Variants in ADGRB1 observed in about 807,000 individuals in gnomAD.
ADGRB1 encodes the protein adhesion G protein-coupled receptor B1.
A neutral mutation model predicts 175.7 loss-of-function variants in ADGRB1; 36 were observed. The observed-to-expected ratio is 0.20, with a 90% CI of 0.16 to 0.27. ADGRB1 has a LOEUF of 0.27. Among genes scored for constraint, ADGRB1 ranks in the 10% least tolerant of loss-of-function variants. The pLI is 1.00. For missense variants in ADGRB1, 1,731 were observed against 2,255.3 expected, an observed-to-expected ratio of 0.77 and a Z score of 4.71; for synonymous variants, 1,054 against 979.4, an observed-to-expected ratio of 1.08 and a Z score of -1.42.
chr8:142,505,512 T>G (rs1328449734), intron 17 of ADGRB1, among the ~76,000 whole-genome samples: 1 of 151,400 alleles, frequency 6.6e-6, no homozygotes, highest in Non-Finnish European at 1.5e-5. Flanking sequence ...CGACGTGAGG[T>G]GGGGATCCAC....
rs1841311290 is a variant in ADGRB1 at position 142,481,111 on chromosome 8, C to G, written c.1829-143C>G. On this transcript the variant is annotated intron_variant, in intron 9 of 30. Coordinates refer to ENST00000517894, the MANE Select transcript of ADGRB1 (RefSeq NM_001702.3). ...AGGGAACGAGGTCCCTGCGTGGACT[C>G]TGCTCTCGGCGTGAGGCCATGGGCG... The G allele has an allele frequency of 6.5e-5, 46 of 706,530 alleles. 1 individual carries two copies. The South Asian group carries it at 7.4e-4, about 11-fold the overall frequency. 43.8% of individuals were successfully genotyped at this position (706,530 alleles called of 1,614,324 possible).
At chr8:142,523,409 G>A (rs959269872) in intron 22 of ADGRB1, among the ~76,000 whole-genome samples, 6 of 145,296 alleles carry the variant, frequency 4.1e-5, no homozygotes, top group African/African-American at 1.5e-4. Flanking sequence ...GTGGGAGGGC[G>A]GAGCAGGCCT....
At chr8:142,533,742 G>A (rs36121715) in intron 25 of ADGRB1, among the ~76,000 whole-genome samples, 24,695 of 152,190 alleles carry the variant, frequency 0.16, 2,491 homozygotes, top group East Asian at 0.31. Context: ...AAAGCACATG[G>A]GGCCCCCATC....
chr8:142,542,119 C>T lies in ADGRB1; in HGVS notation c.3885C>T (p.Pro1295=), dbSNP rs375360143. Residue 1295 remains proline (P), a synonymous_variant, in exon 28 of 31, where the codon CCC becomes CCT. Coordinates refer to ENST00000517894, the MANE Select transcript of ADGRB1 (RefSeq NM_001702.3). This position sits in a 1 kb window ranked among gnomAD's most constrained non-coding sequence, Gnocchi z 6.3. ...ACCTGCACGGCTCACCCCGCTATCC[C>T]GGCGGGCCCCTGCCCGACTTCCCCA... ...KLHLHGSPRY[P]GGPLPDFPNH... The T allele has an allele frequency of 2.0e-3, 3,260 of 1,613,516 alleles. 32 individuals are homozygous for T. The highest frequency in any genetic ancestry group is 0.017 in the South Asian group (1,531 of 91,080).
chr8:142,479,516 C>T, intron 8 of ADGRB1, 29 bp downstream of exon 8: 2 of 1,522,262 alleles, frequency 1.3e-6, no homozygotes, highest in Non-Finnish European at 1.8e-6. Context: ...GGGCTGGGCT[C>T]TGGGGAGGGC....
At chr8:142,477,572 G>T in intron 6 of ADGRB1, 23 bp downstream of exon 6, 1 of 1,602,230 alleles carries the variant, frequency 6.2e-7, no homozygotes. Context: ...GAGGGCGTAG[G>T]GGCAGGGAGG....
intron 1 of ADGRB1, among the ~76,000 whole-genome samples, chr8:142,458,928 A>G (rs1020422978): frequency 6.6e-6 from 1 of 152,202 alleles, no homozygotes; most frequent in Admixed American, 6.5e-5. Context: ...TGGTTCGGGG[A>G]CCAAGACAAT....
rs983582573 is a variant in ADGRB1, at chr8:142,493,231, G to A, written c.2675+2416G>A. Among the ~76,000 whole-genome samples the A allele has an allele frequency of 6.6e-6, 1 of 152,040 alleles. No individual in the cohort carries two copies. The highest frequency in any genetic ancestry group is 1.5e-5 in the Non-Finnish European group (1 of 67,992). ...GGCCTGTCCAGTGAGCCGGGACAAGGACACTGCCCCAGGGACCCAACTGTG... is the reference window on the plus strand; with the variant it reads ...GGCCTGTCCAGTGAGCCGGGACAAGAACACTGCCCCAGGGACCCAACTGTG... On this transcript the variant is annotated intron_variant, in intron 17 of 30. Transcript: ENST00000517894. The surrounding 1 kb of genome is among the most constrained non-coding windows in gnomAD (Gnocchi z 5.0).
At chr8:142,496,528 G>T (rs113600583) in intron 17 of ADGRB1, among the ~76,000 whole-genome samples, 2,473 of 152,276 alleles carry the variant, frequency 0.016, 78 homozygotes, top group African/African-American at 0.053. Flanking sequence ...TGGGAGTTAG[G>T]TTCTGTGGTC....
At chr8:142,522,586 G>A in intron 21 of ADGRB1, 55 bp from the exon 22 acceptor site, 1 of 1,493,752 alleles carries the variant, frequency 6.7e-7, no homozygotes, top group Non-Finnish European at 9.0e-7. Flanking sequence ...GGAGGAGGTG[G>A]AGGCTGGCTG....
At chr8:142,538,258 G>A (rs1482532926) in intron 26 of ADGRB1, among the ~76,000 whole-genome samples, 1 of 152,216 alleles carries the variant, frequency 6.6e-6, no homozygotes, top group South Asian at 2.1e-4. Flanking sequence ...GGGTCCCGGG[G>A]TGCCCAGCCA....
At chr8:142,483,874 C>A in intron 11 of ADGRB1, 103 bp from the exon 12 acceptor site, 2 of 1,210,742 alleles carry the variant, frequency 1.7e-6, no homozygotes, top group South Asian at 1.3e-5. Context: ...GTCACATATT[C>A]AGCCCTGACC....
At chr8:142,484,547 A>T in intron 12 of ADGRB1, 109 bp from the exon 13 acceptor site, 1 of 1,173,686 alleles carries the variant, frequency 8.5e-7, no homozygotes, top group Non-Finnish European at 1.2e-6. Flanking sequence ...ACTTCCTCAA[A>T]ATGTTAGGAA....
intron 15 of ADGRB1, 55 bp from the exon 16 acceptor site, chr8:142,489,274 AGGGCCAG>A: frequency 6.3e-7 from 1 of 1,590,912 alleles, no homozygotes; most frequent in Admixed American, 1.7e-5. Context: ...CACCTGGGGA[AGGGCCAG>A]GAGGAGCCTG....
At chr8:142,456,124 C>T (rs1839662819) in intron 1 of ADGRB1, among the ~76,000 whole-genome samples, 1 of 152,114 alleles carries the variant, frequency 6.6e-6, no homozygotes, top group South Asian at 2.1e-4. Context: ...AGGGCCCCTG[C>T]ACTCTGCACC....
At chr8:142,538,191 G>A (rs532847842) in intron 26 of ADGRB1, among the ~76,000 whole-genome samples, 13 of 152,296 alleles carry the variant, frequency 8.5e-5, no homozygotes, top group African/African-American at 3.1e-4. Context: ...CACCTTTCTG[G>A]GCTCAGGCCA....
At chr8:142,498,941 C>T (rs968407611) in intron 17 of ADGRB1, among the ~76,000 whole-genome samples, 19 of 152,304 alleles carry the variant, frequency 1.2e-4, no homozygotes, top group African/African-American at 2.6e-4. Flanking sequence ...ACTGCCTCCC[C>T]GGGGCCCCAG....
intron 24 of ADGRB1, among the ~76,000 whole-genome samples, chr8:142,527,702 TC>T (rs1844294308): frequency 6.6e-6 from 1 of 152,024 alleles, no homozygotes; most frequent in Admixed American, 6.6e-5. Flanking sequence ...TCAGAAGAGG[TC>T]CCCAGGGCTA....
chr8:142,526,278 C>A (rs1305004533), intron 23 of ADGRB1, among the ~76,000 whole-genome samples: 1 of 152,148 alleles, frequency 6.6e-6, no homozygotes, highest in African/African-American at 2.4e-5. Context: ...GGGGAGCTCG[C>A]TGGTGGAAGG....
Sources: gnomAD v4.1 joint callset for allele counts (sites outside exome capture counted in the v4.1 genomes callset) on GRCh38, gnomAD v4.1.1 for gene constraint, Gnocchi (gnomAD v3.1) non-coding constraint, MANE v1.5 for transcripts, NCBI Gene and HGNC (gene_info 2026-07-23, HGNC 2026-07-21) for gene names.